The following USP32 variants were observed in gnomAD, a reference collection of about 807,000 sequenced individuals.
USP32 encodes ubiquitin specific peptidase 32.
USP32 carries 59 observed loss-of-function variants against 204.8 expected under a neutral mutation model. The ratio of observed to expected loss-of-function variants is 0.29; its 90% CI spans 0.23 to 0.36. The LOEUF is 0.36. Ranked by LOEUF, USP32 falls within the 10% of genes least tolerant of loss-of-function variation. The pLI is 1.00. For missense variants in USP32, 1,160 were observed against 1,946.4 expected, an observed-to-expected ratio of 0.60 and a Z score of 7.60; for synonymous variants, 517 against 678.4, an observed-to-expected ratio of 0.76 and a Z score of 3.70.
At chr17:60,190,336 T>C (rs1350071024) in intron 29 of USP32, among the ~76,000 whole-genome samples, 1 of 152,200 alleles carries the variant, frequency 6.6e-6, no homozygotes. Context: ...TACTCTGTTA[T>C]AGCAACACAA....
chr17:60,421,958 C>T lies in USP32; in HGVS notation c.106+288G>A, dbSNP rs576364944. 21 of 985,248 alleles carry T rather than the reference C, an allele frequency of 2.1e-5. No individual in the cohort carries two copies. The African/African-American group carries it at 3.7e-4, about 17-fold the overall frequency. The allele number at this position is 985,248 out of a possible 1,614,324, so 61.0% of individuals were successfully genotyped here. On this transcript the variant is annotated intron_variant, in intron 1 of 3. Coordinates refer to the USP32 transcript ENST00000588898. The stretch of plus-strand genomic sequence containing the variant: ...AGGCCGCGGGGAGGGTTACAGAGCC[C>T]GTAGGCACTGGCGGGGATCTTTATA...
At chr17:60,307,522 T>A (rs1375369988) in intron 2 of USP32, among the ~76,000 whole-genome samples, 4 of 152,172 alleles carry the variant, frequency 2.6e-5, no homozygotes, top group African/African-American at 4.8e-5. Flanking sequence ...AAAACATACA[T>A]GGAACCTCAA....
intron 7 of USP32, 106 bp from the exon 8 acceptor site, chr17:60,266,197 T>A: frequency 2.6e-6 from 2 of 776,406 alleles, no homozygotes; most frequent in Middle Eastern, 4.9e-4. Context: ...TTAAAGCAAG[T>A]ATATGTATTC....
chr17:60,177,343 C>G lies in USP32; in HGVS notation c.*1912G>C, dbSNP rs2083991625. On this transcript the variant is annotated 3_prime_UTR_variant, in exon 34 of 34. Coordinates refer to ENST00000300896, the MANE Select transcript of USP32 (RefSeq NM_032582.4). Reference sequence around the variant, plus strand: ...CAGTTCATATTTCGGTACATCAACACTATTTTATTTACACTCTATTTATGT... The same window carrying G: ...CAGTTCATATTTCGGTACATCAACAGTATTTTATTTACACTCTATTTATGT... 6.6e-6 allele frequency among the ~76,000 whole-genome samples: 1 copy of G among 152,160 alleles called. No individual in the cohort carries two copies. Among genetic ancestry groups the G allele is most frequent in the African/African-American group, 2.4e-5 (1 of 41,438 alleles).
At chr17:60,201,762 G>A (rs565560274) in intron 26 of USP32, among the ~76,000 whole-genome samples, 91 of 151,812 alleles carry the variant, frequency 6.0e-4, no homozygotes, top group Middle Eastern at 3.4e-3. Flanking sequence ...GGGTTCAAGT[G>A]ATTCTCCTGC....
At chr17:60,272,082 T>C (rs1472608072) in intron 5 of USP32, among the ~76,000 whole-genome samples, 2 of 152,202 alleles carry the variant, frequency 1.3e-5, no homozygotes, top group African/African-American at 4.8e-5. Flanking sequence ...CCCAAAGTGT[T>C]GGGATTATAG....
At chr17:60,265,354 C>A in intron 9 of USP32, 58 bp downstream of exon 9, 1 of 1,228,442 alleles carries the variant, frequency 8.1e-7, no homozygotes, top group South Asian at 1.3e-5. Flanking sequence ...AGCGATACAT[C>A]CCAAATGGAG....
chr17:60,237,304 ATTTTTTTT>A (rs34988306), intron 11 of USP32, among the ~76,000 whole-genome samples: 1 of 131,026 alleles, frequency 7.6e-6, no homozygotes, highest in African/African-American at 2.8e-5. Flanking sequence ...TGCCCAGCTA[ATTTTTTTT>A]TTTTTTTTTT....
chr17:60,185,383 C>CA (rs1345180776), intron 30 of USP32, 77 bp downstream of exon 30: 6 of 1,465,896 alleles, frequency 4.1e-6, no homozygotes, highest in Non-Finnish European at 5.5e-6. Context: ...TCAAAAATAA[C>CA]AAAACCTCCT....
chr17:60,236,123 A>G lies in USP32; in HGVS notation c.1239+15T>C. The G allele has an allele frequency of 6.2e-7, 1 of 1,605,256 alleles. No homozygotes were observed. Among genetic ancestry groups the G allele is most frequent in the Non-Finnish European group, 8.5e-7 (1 of 1,172,452 alleles). The stretch of plus-strand genomic sequence containing the variant: ...AATCCTGTGAAAAATGTAAATAGAC[A>G]GGAATCTAACTCACGTATTTGACAT... On this transcript the variant is annotated intron_variant, in intron 12 of 33. Coordinates refer to ENST00000300896, the MANE Select transcript of USP32 (RefSeq NM_032582.4).
intron 9 of USP32, among the ~76,000 whole-genome samples, chr17:60,263,463 T>C (rs2086506687): frequency 6.6e-6 from 1 of 152,182 alleles, no homozygotes; most frequent in South Asian, 2.1e-4. Flanking sequence ...TAGGCTTGGT[T>C]AAAAAACCCA....
At position 60,214,711 on chromosome 17, in the gene USP32, C is replaced by T. The variant is rs377023063; in HGVS notation, c.1931G>A (p.Arg644Gln). ...RVLAYTGCFS[R>Q]MQTIKEIHEY... Reference sequence around the variant, plus strand: ...GTGAATTTCCTTGATGGTCTGCATTCGACTAAAACAGCCTGTATAGGCTAA... The same window carrying T: ...GTGAATTTCCTTGATGGTCTGCATTTGACTAAAACAGCCTGTATAGGCTAA... Residue 644 changes from arginine to glutamine, a missense_variant, in exon 17 of 34, where the codon CGA becomes CAA. Around this residue, in one of 8 missense-constraint regions of USP32, gnomAD observed 132 missense variants for 432.8 expected, o/e 0.30. Coordinates refer to ENST00000300896, the MANE Select transcript of USP32 (RefSeq NM_032582.4). The T allele has an allele frequency of 1.7e-5, 28 of 1,613,662 alleles. No homozygotes were observed. Among genetic ancestry groups the T allele is most frequent in the Non-Finnish European group, 2.2e-5 (26 of 1,179,812 alleles).
chr17:60,356,023 G>T (rs1029398075), intron 1 of USP32, among the ~76,000 whole-genome samples: 7 of 151,700 alleles, frequency 4.6e-5, no homozygotes, highest in Admixed American at 3.3e-4. Context: ...CAGTCAAACA[G>T]CCACTGAAGG....
chr17:60,253,536 C>G lies in USP32; in HGVS notation c.1075-1094G>C, dbSNP rs150551007. On this transcript the variant is annotated intron_variant, in intron 10 of 33. Coordinates refer to ENST00000300896, the MANE Select transcript of USP32 (RefSeq NM_032582.4). ...ATCCTAGCACTTTGGGAGGCTGAGG[C>G]GGGCAGATCACTTGAGGTCAGGAGT... Among the ~76,000 whole-genome samples the G allele has an allele frequency of 1.8e-3, 277 of 152,020 alleles. 2 individuals are homozygous for G. Among genetic ancestry groups the G allele is most frequent in the African/African-American group, 5.6e-3 (231 of 41,480 alleles).
intron 3 of USP32, among the ~76,000 whole-genome samples, chr17:60,300,423 G>A (rs1475894659): frequency 6.6e-6 from 1 of 152,054 alleles, no homozygotes; most frequent in African/African-American, 2.4e-5. Flanking sequence ...CATTTAGCAG[G>A]GGAAATGGTG....
At chr17:60,248,553 C>T (rs1053041102) in intron 11 of USP32, among the ~76,000 whole-genome samples, 3 of 152,112 alleles carry the variant, frequency 2.0e-5, no homozygotes, top group Admixed American at 6.5e-5. Context: ...GGTCTTCTTT[C>T]TCTCTTTCTG....
chr17:60,330,737 G>T (rs1567856152), intron 2 of USP32, among the ~76,000 whole-genome samples: 1 of 151,964 alleles, frequency 6.6e-6, no homozygotes, highest in South Asian at 2.1e-4. Flanking sequence ...TGTAGAGATG[G>T]GGTCTCGCTG....
intron 11 of USP32, among the ~76,000 whole-genome samples, chr17:60,242,915 A>G (rs1400120740): frequency 6.6e-6 from 1 of 152,214 alleles, no homozygotes; most frequent in Non-Finnish European, 1.5e-5. Flanking sequence ...ATTTATAGAA[A>G]AAAGCTGGGA....
At chr17:60,268,408 A>T (rs969862629) in intron 7 of USP32, among the ~76,000 whole-genome samples, 3 of 74,032 alleles carry the variant, frequency 4.1e-5, no homozygotes, top group Non-Finnish European at 6.4e-5. Flanking sequence ...ATCTCTATTT[A>T]AAAAAAAAAA....
Sources: gnomAD v4.1 joint callset for allele counts (sites outside exome capture counted in the v4.1 genomes callset) on GRCh38, gnomAD v4.1.1 for gene constraint, gnomAD v4.1.1 regional missense constraint, MANE v1.5 for transcripts, NCBI Gene and HGNC (gene_info 2026-07-23, HGNC 2026-07-21) for gene names.